ZNF226: variants seen among roughly 807,000 people sequenced by gnomAD.
ZNF226 encodes Kruppel-associated box protein.
Under a neutral mutation model 11.4 loss-of-function variants are expected in ZNF226, and 6 were observed. The observed-to-expected ratio is 0.53, with a 90% CI of 0.29 to 1.04. The LOEUF is 1.04. ZNF226 is among the 50% of genes least tolerant of loss of function. The pLI is 0.08. For missense variants in ZNF226, 1,058 were observed against 956.5 expected (o/e 1.11, Z -1.40); for synonymous variants, 350 against 322.8 (o/e 1.08, Z -0.90).
downstream of ZNF226, among the ~76,000 whole-genome samples, chr19:44,179,873 A>G (rs1025957283): frequency 6.6e-6 from 1 of 152,046 alleles, no homozygotes; most frequent in Non-Finnish European, 1.5e-5. Flanking sequence ...ACCTGAGGTC[A>G]GGAGTTTGAG....
chr19:44,169,824 G>T (rs1969877500), intron 2 of ZNF226, among the ~76,000 whole-genome samples: 1 of 152,136 alleles, frequency 6.6e-6, no homozygotes, highest in African/African-American at 2.4e-5. Context: ...CAGGCACATG[G>T]GCAGTGAGGC....
At position 44,172,960 on chromosome 19, in the gene ZNF226, CCAAA is replaced by C; in HGVS notation, c.235+11_235+14del. On this transcript the variant is annotated intron_variant, in intron 5 of 5. Coordinates refer to ENST00000337433, the MANE Select transcript of ZNF226 (RefSeq NM_001032373.2). ...GAAGACAGGGAAATTTAGGTAAAAA[CCAAA>C]CAGTTATGAGTTCTTATAGTTAACT... 1.3e-6 allele frequency: 2 copies of C among 1,584,624 alleles called. No homozygotes were observed. Among genetic ancestry groups the C allele is most frequent in the African/African-American group, 1.3e-5 (1 of 74,490 alleles).
chr19:44,172,343 G>A (rs573988158), intron 4 of ZNF226, 129 bp downstream of exon 4: 1 of 1,256,358 alleles, frequency 8.0e-7, no homozygotes, highest in Non-Finnish European at 1.1e-6. Context: ...GACACTGGAT[G>A]TTTCTGGTCT....
At chr19:44,173,513 T>A (rs1970359461) in intron 5 of ZNF226, 1 of 152,864 alleles carries the variant, frequency 6.5e-6, no homozygotes, top group Non-Finnish European at 1.5e-5. Context: ...ATCCCAGCAC[T>A]TCGCGAGGCT....
Position 44,176,080 on chromosome 19 carries a change from T to TA in ZNF226, c.819dup (p.Gln274ThrfsTer11), listed in dbSNP as rs1970645777. ...TCCAGCTTTGATCTTCATCAGCAGT[T>TA]ACAATCAGGAGAGAAGTCTCTTACA... On this transcript the variant is annotated frameshift_variant, in exon 6 of 6. Transcript: ENST00000337433. LOFTEE classifies it low-confidence loss of function (END_TRUNC). The TA allele has an allele frequency of 6.2e-7, 1 of 1,614,188 alleles. No homozygotes were observed. The highest frequency in any genetic ancestry group is 1.3e-5 in the African/African-American group (1 of 75,056).
At chr19:44,193,997 T>C in the ZNF226 span, among the ~76,000 whole-genome samples, 896 of 152,344 alleles carry the variant, frequency 5.9e-3, 26 homozygotes, top group East Asian at 0.042. Context: ...AAAAATTTTG[T>C]CAAAAGCATT....
Position 44,176,396 on chromosome 19 carries a change from T to A in ZNF226, c.1134T>A (p.Leu378=). The part of the protein sequence containing the change: ...CGRAFSQASH[L]QDHQRLHTGE... ...GGGCCTTCAGTCAGGCCTCTCATCT[T>A]CAGGACCATCAGAGACTCCACACTG... The change falls in exon 6 of 6, where the codon CTT becomes CTA. Residue 378 remains leucine, a synonymous_variant. Transcript: ENST00000337433. The A allele has an allele frequency of 6.2e-7, 1 of 1,614,164 alleles. No homozygotes were observed. The highest frequency in any genetic ancestry group is 8.5e-7 in the Non-Finnish European group (1 of 1,180,018).
At chr19:44,175,200 T>C in intron 5 of ZNF226, 8 of 1,421,118 alleles carry the variant, frequency 5.6e-6, no homozygotes, top group Non-Finnish European at 7.3e-6. Context: ...TTTTCCTTAT[T>C]GATACCATAT....
Position 44,177,416 on chromosome 19 carries a change from G to A in ZNF226, c.2154G>A (p.Gln718=), listed in dbSNP as rs1242121896. ...FSQASSLQLH[Q]SVHTGEKPYK... ...AGGCCTCAAGTCTTCAACTTCATCA[G>A]AGTGTCCACACAGGAGAGAAACCAT... The change falls in exon 6 of 6, where the codon CAG becomes CAA. Residue 718 remains glutamine, a synonymous_variant. Transcript: ENST00000337433. 7 of 1,610,922 alleles carry A rather than the reference G, an allele frequency of 4.3e-6. No homozygotes were observed. The African/African-American group carries it at 9.5e-5, about 22-fold the overall frequency.
downstream of ZNF226, among the ~76,000 whole-genome samples, chr19:44,180,305 T>A (rs1048664340): frequency 1.3e-5 from 2 of 152,188 alleles, no homozygotes; most frequent in African/African-American, 4.8e-5. Flanking sequence ...CTGTGACATT[T>A]AAAGCTTATT....
chr19:44,177,324 A>G lies in ZNF226; in HGVS notation c.2062A>G (p.Met688Val). The change falls in exon 6 of 6, where the codon ATG becomes GTG. Residue 688 changes from methionine to valine, a missense_variant. Met to Val is a conservative substitution (Grantham distance 21). Transcript: ENST00000337433. ...CTTCAAGTGGAGCTTGAACCTTGAC[A>G]TGCATCAGAGGGTGCACACAGGAGA... ...KGFKWSLNLD[M>V]HQRVHTGEKP... 1.2e-6 allele frequency: 2 copies of G among 1,614,104 alleles called. No individual in the cohort carries two copies. Among genetic ancestry groups the G allele is most frequent in the Admixed American group, 1.7e-5 (1 of 60,022 alleles).
At chr19:44,190,488 C>G in the ZNF226 span, among the ~76,000 whole-genome samples, 2 of 152,076 alleles carry the variant, frequency 1.3e-5, no homozygotes, top group African/African-American at 2.4e-5. Flanking sequence ...CGCCCGCCAC[C>G]ACGCCTGGCT....
the ZNF226 span, among the ~76,000 whole-genome samples, chr19:44,192,184 T>C: frequency 2.6e-5 from 4 of 152,162 alleles, 1 homozygote; most frequent in Admixed American, 1.3e-4. Flanking sequence ...AGAATCAAAT[T>C]ATACTGGAAG....
At chr19:44,198,121 GAT>G in the ZNF226 span, among the ~76,000 whole-genome samples, 1 of 152,202 alleles carries the variant, frequency 6.6e-6, no homozygotes, top group East Asian at 1.9e-4. Flanking sequence ...CAAATGACTA[GAT>G]ATATGTAAAT....
chr19:44,171,338 C>CT (rs1307825757), intron 3 of ZNF226, among the ~76,000 whole-genome samples: 6 of 152,100 alleles, frequency 3.9e-5, no homozygotes, highest in Non-Finnish European at 7.4e-5. Context: ...AAATATTAGA[C>CT]TTTTTTTTAC....
In ZNF226 at chr19:44,177,146, A is replaced by C. The variant is rs1425842912; in HGVS notation, c.1884A>C (p.Ser628=). ...EECGKVFRQA[S]NLLAHQRVHS... ...GTGGGAAGGTCTTCAGGCAGGCCTC[A>C]AATCTTTTGGCCCATCAGAGAGTCC... The change falls in exon 6 of 6, where the codon TCA becomes TCC. Residue 628 remains serine, a synonymous_variant. Transcript: ENST00000337433. 1 of 1,613,966 alleles carries C rather than the reference A, an allele frequency of 6.2e-7. No homozygotes were observed. The highest frequency in any genetic ancestry group is 8.5e-7 in the Non-Finnish European group (1 of 1,179,966).
In ZNF226 at chr19:44,176,342, G is replaced by A; in HGVS notation, c.1080G>A (p.Glu360=). 6.2e-7 allele frequency: 1 copy of A among 1,614,206 alleles called. No homozygotes were observed. The change falls in exon 6 of 6, where the codon GAG becomes GAA. Residue 360 remains glutamate, a synonymous_variant. Coordinates refer to ENST00000337433, the MANE Select transcript of ZNF226 (RefSeq NM_001032373.2). ...TTCATTGCAAGGTCCACACGGCAGAGAAACCTTATAATTGTGAGGAGTGTG... is the reference window on the plus strand; with the variant it reads ...TTCATTGCAAGGTCCACACGGCAGAAAAACCTTATAATTGTGAGGAGTGTG... The part of the protein sequence containing the change: ...LNVHCKVHTA[E]KPYNCEECGR...
chr19:44,182,457 A>C (rs1970920845), downstream of ZNF226, among the ~76,000 whole-genome samples: 1 of 152,230 alleles, frequency 6.6e-6, no homozygotes, highest in South Asian at 2.1e-4. Flanking sequence ...ATTGTCCCCA[A>C]CTGAGAACCA....
intron 3 of ZNF226, among the ~76,000 whole-genome samples, 165 bp from the exon 4 acceptor site, chr19:44,171,923 A>G (rs768922028): frequency 6.6e-5 from 10 of 152,208 alleles, no homozygotes; most frequent in Non-Finnish European, 1.2e-4. Context: ...TCTTTTTCAC[A>G]GCAGCACTTT....
Sources: allele counts gnomAD v4.1 joint callset (sites outside exome capture counted in the v4.1 genomes callset), GRCh38; gene constraint gnomAD v4.1.1; transcripts MANE v1.5; gene names NCBI Gene and HGNC (gene_info 2026-07-23, HGNC 2026-07-21).